Variants in TENM1 observed in about 807,000 individuals in gnomAD.
TENM1 encodes the protein teneurin-1.
In TENM1, 35 loss-of-function variants were observed where a neutral mutation model predicts 174.8. The ratio of observed to expected loss-of-function variants is 0.20; its 90% CI spans 0.15 to 0.27. The LOEUF is 0.27. Among genes scored for constraint, TENM1 ranks in the 10% least tolerant of loss-of-function variants. The pLI, the probability that TENM1 is intolerant of heterozygous loss-of-function variation, is 1.00. For synonymous variants in TENM1, 781 were observed against 798.7 expected, an observed-to-expected ratio of 0.98 and a Z score of 0.37; for missense variants, 1,633 against 2,130.1, an observed-to-expected ratio of 0.77 and a Z score of 4.59.
intron 4 of TENM1, among the ~76,000 whole-genome samples, chrX:124,710,491 AC>A (rs2148503270): frequency 8.9e-6 from 1 of 111,959 alleles, no homozygotes; most frequent in African/African-American, 3.2e-5. Flanking sequence ...AGGAAGGAAA[AC>A]AAAAGACAGA....
the TENM1 span, among the ~76,000 whole-genome samples, chrX:125,095,995 G>C: frequency 9.8e-5 from 11 of 111,970 alleles, no homozygotes; most frequent in Admixed American, 8.5e-4. Context: ...TTACTAATTT[G>C]GGAGATTAAC....
the TENM1 span, among the ~76,000 whole-genome samples, chrX:125,187,358 T>C: frequency 7.1e-5 from 8 of 112,432 alleles, no homozygotes; most frequent in Admixed American, 4.7e-4. Flanking sequence ...CTTAAAAATA[T>C]GTCCTCCTTG....
chrX:124,914,979 T>G (rs1312009143), intron 1 of TENM1, among the ~76,000 whole-genome samples: 1 of 112,030 alleles, frequency 8.9e-6, no homozygotes, highest in African/African-American at 3.2e-5. Context: ...CAACATGTAC[T>G]TCTTCCAGTT....
the TENM1 span, among the ~76,000 whole-genome samples, chrX:125,179,082 C>A: frequency 1.8e-5 from 2 of 111,312 alleles, no homozygotes; most frequent in Non-Finnish European, 3.8e-5. Context: ...AACGAATAAA[C>A]AAAAACTAAT....
chrX:124,743,081 A>C (rs1359409691), intron 3 of TENM1, among the ~76,000 whole-genome samples: 2 of 111,792 alleles, frequency 1.8e-5, no homozygotes, highest in African/African-American at 6.5e-5. Context: ...ACTTGTGAGC[A>C]GGTAGTTTTA....
chrX:124,966,172 T>C (rs2058723235), upstream of TENM1, among the ~76,000 whole-genome samples: 1 of 111,726 alleles, frequency 9.0e-6, no homozygotes, highest in East Asian at 2.8e-4. Flanking sequence ...TCCTGGATTA[T>C]TGCAATTGTT....
intron 11 of TENM1, among the ~76,000 whole-genome samples, chrX:124,636,093 T>G (rs1193410193): frequency 8.9e-6 from 1 of 112,010 alleles, no homozygotes; most frequent in Admixed American, 9.4e-5. Context: ...AGCAGCACAG[T>G]TAACATGCTA....
chrX:124,631,174 A>G (rs1208092792), intron 11 of TENM1, among the ~76,000 whole-genome samples: 1 of 112,191 alleles, frequency 8.9e-6, no homozygotes, highest in Non-Finnish European at 1.9e-5. Context: ...CAGATACTGT[A>G]TATAAAATAA....
intron 18 of TENM1, among the ~76,000 whole-genome samples, chrX:124,507,176 G>A (rs1168042272): frequency 8.9e-6 from 1 of 111,817 alleles, no homozygotes; most frequent in Non-Finnish European, 1.9e-5. Flanking sequence ...CTGGCAGTGA[G>A]CAGGAATAAG....
chrX:124,718,340 G>C (rs1426902434), intron 4 of TENM1, among the ~76,000 whole-genome samples: 1 of 112,176 alleles, frequency 8.9e-6, no homozygotes, highest in East Asian at 2.8e-4. Context: ...GGTCACTCTG[G>C]TCTCCTTTGC....
chrX:124,897,364 G>C (rs2057580620), intron 1 of TENM1, among the ~76,000 whole-genome samples: 1 of 111,443 alleles, frequency 9.0e-6, no homozygotes, highest in Admixed American at 9.6e-5. Context: ...TCAGAGACAG[G>C]ATATGTCATT....
At chrX:125,191,737 G>A in the TENM1 span, among the ~76,000 whole-genome samples, 2 of 111,644 alleles carry the variant, frequency 1.8e-5, no homozygotes, top group Non-Finnish European at 3.8e-5. Flanking sequence ...TTATGGTGGT[G>A]TGATCCTGAA....
intron 3 of TENM1, among the ~76,000 whole-genome samples, chrX:124,865,985 A>T (rs2147457834): frequency 8.9e-6 from 1 of 112,066 alleles, no homozygotes; most frequent in Non-Finnish European, 1.9e-5. Context: ...TATGCAGCCA[A>T]CACTGGAGCA....
At chrX:124,840,717 A>G (rs899247788) in intron 3 of TENM1, among the ~76,000 whole-genome samples, 2 of 112,002 alleles carry the variant, frequency 1.8e-5, no homozygotes, top group Non-Finnish European at 3.8e-5. Flanking sequence ...CGTTAGGTTA[A>G]TCAGATCCTG....
chrX:125,103,594 C>T, the TENM1 span, among the ~76,000 whole-genome samples: 1 of 112,234 alleles, frequency 8.9e-6, no homozygotes, highest in Non-Finnish European at 1.9e-5. Context: ...AACCTAACAG[C>T]AGAAGGAAGA....
intron 4 of TENM1, among the ~76,000 whole-genome samples, chrX:124,716,247 A>G: frequency 8.9e-6 from 1 of 112,195 alleles, no homozygotes; most frequent in Non-Finnish European, 1.9e-5. Context: ...AACAGCCAGA[A>G]GCAGAGACTG....
the TENM1 span, among the ~76,000 whole-genome samples, chrX:125,130,262 TAAC>T: frequency 0.055 from 6,131 of 111,163 alleles, 420 homozygotes; most frequent in African/African-American, 0.19. Context: ...ATTTTAAAAA[TAAC>T]AATACAGGCA....
At chrX:124,605,951 G>C (rs2050145466) in intron 11 of TENM1, among the ~76,000 whole-genome samples, 1 of 111,651 alleles carries the variant, frequency 9.0e-6, no homozygotes, top group Non-Finnish European at 1.9e-5. Flanking sequence ...CACTCCAAAT[G>C]ATTTTCAGTA....
chrX:124,894,366 C>T lies in TENM1; in HGVS notation c.479-14G>A, dbSNP rs1011266407. The T allele has an allele frequency of 5.1e-6, 6 of 1,171,167 alleles. No individual in the cohort carries two copies. Among genetic ancestry groups the T allele is most frequent in the Non-Finnish European group, 6.9e-6 (6 of 865,190 alleles). ...AGAATTTGAAACCTGTAACAGTAAACATTTCACTAGTTAAGCCTTGTCCAA... is the reference window on the plus strand; with the variant it reads ...AGAATTTGAAACCTGTAACAGTAAATATTTCACTAGTTAAGCCTTGTCCAA... On this transcript the variant is annotated splice_polypyrimidine_tract_variant and intron_variant, in intron 2 of 31. Coordinates refer to ENST00000422452, the Ensembl canonical transcript of TENM1.
Sources: allele counts gnomAD v4.1 joint callset (sites outside exome capture counted in the v4.1 genomes callset), GRCh38; gene constraint gnomAD v4.1.1; transcripts MANE v1.5; gene names NCBI Gene and HGNC (gene_info 2026-07-23, HGNC 2026-07-21).